The following EYS variants were observed in gnomAD, a reference collection of about 807,000 sequenced individuals.
EYS encodes protein eyes shut homolog.
In EYS, 250 loss-of-function variants were observed where a neutral mutation model predicts 282.1. The ratio of observed to expected loss-of-function variants is 0.89; its 90% CI spans 0.80 to 0.98. The LOEUF is 0.98. EYS is among the 50% of genes least tolerant of loss of function. EYS has a pLI of 0.00. For synonymous variants in EYS, 1,355 were observed against 1,282.9 expected (o/e 1.06, Z -1.20); for missense variants, 4,016 against 3,709.0 (o/e 1.08, Z -2.15).
intron 32 of EYS, among the ~76,000 whole-genome samples, chr6:64,070,311 T>C (rs547264605): frequency 6.6e-6 from 1 of 152,202 alleles, no homozygotes; most frequent in Non-Finnish European, 1.5e-5. Context: ...TGGTTCAGAG[T>C]TATGCAGAGT....
chr6:64,568,313 G>A (rs532393234), intron 26 of EYS, among the ~76,000 whole-genome samples: 34 of 152,276 alleles, frequency 2.2e-4, no homozygotes, highest in African/African-American at 7.7e-4. Context: ...AGGAAACAGA[G>A]CTAGTGAAGG....
intron 2 of EYS, among the ~76,000 whole-genome samples, chr6:65,547,652 C>A (rs554806253): frequency 1.3e-4 from 20 of 152,118 alleles, no homozygotes; most frequent in African/African-American, 4.6e-4. Flanking sequence ...TATGCAATAA[C>A]TGAAATGGAA....
chr6:65,258,182 C>T (rs949739891), intron 12 of EYS, among the ~76,000 whole-genome samples: 10 of 151,268 alleles, frequency 6.6e-5, no homozygotes, highest in Admixed American at 3.3e-4. Context: ...GTTAAAAATG[C>T]GAAGATATTA....
intron 28 of EYS, among the ~76,000 whole-genome samples, chr6:64,415,049 C>T (rs930013625): frequency 6.6e-6 from 1 of 151,984 alleles, no homozygotes. Flanking sequence ...AAATCCAGTG[C>T]AAAAATGCAA....
intron 22 of EYS, among the ~76,000 whole-genome samples, chr6:64,803,464 C>A (rs916109147): frequency 2.0e-5 from 3 of 152,096 alleles, no homozygotes; most frequent in Non-Finnish European, 4.4e-5. Context: ...ACCATGAGTT[C>A]TAAATCCCAA....
intron 12 of EYS, among the ~76,000 whole-genome samples, chr6:65,199,387 A>G (rs1212047816): frequency 6.6e-6 from 1 of 152,136 alleles, no homozygotes; most frequent in Non-Finnish European, 1.5e-5. Context: ...AGAAGAATGC[A>G]AAGTTTTCCT....
intron 26 of EYS, among the ~76,000 whole-genome samples, chr6:64,528,952 C>T (rs1778010552): frequency 6.6e-6 from 1 of 151,956 alleles, no homozygotes; most frequent in South Asian, 2.1e-4. Flanking sequence ...TCTTATATTA[C>T]AATGTTTCTA....
intron 22 of EYS, among the ~76,000 whole-genome samples, chr6:64,729,999 T>A (rs1489514313): frequency 6.6e-6 from 1 of 152,136 alleles, no homozygotes; most frequent in African/African-American, 2.4e-5. Flanking sequence ...ATGACAAATA[T>A]AGAAAAATCT....
chr6:63,767,711 C>T (rs1769829982), intron 40 of EYS, among the ~76,000 whole-genome samples: 2 of 151,800 alleles, frequency 1.3e-5, no homozygotes, highest in African/African-American at 4.8e-5. Flanking sequence ...TAATTTTTCA[C>T]AGAATTAAAA....
intron 36 of EYS, among the ~76,000 whole-genome samples, chr6:63,863,666 TTC>T (rs1562066162): frequency 4.2e-5 from 2 of 48,072 alleles, no homozygotes; most frequent in South Asian, 6.8e-4. Flanking sequence ...TTCTTTTCTT[TTC>T]TTTTTTCTTT....
chr6:64,864,382 C>CTTATTTTTTTTTTTTTTTTTTTTTTTT (rs1562231995), intron 19 of EYS, among the ~76,000 whole-genome samples: 1 of 40,100 alleles, frequency 2.5e-5, no homozygotes, highest in Non-Finnish European at 5.7e-5. Flanking sequence ...GGTGCTATAC[C>CTTATTTTTTTTTTTTTTTTTTTTTTTT]TTCTTTTTTT....
intron 2 of EYS, among the ~76,000 whole-genome samples, chr6:65,562,449 G>T (rs1769102688): frequency 1.3e-5 from 2 of 151,898 alleles, no homozygotes; most frequent in Admixed American, 1.3e-4. Context: ...GGACAGAATG[G>T]AAAGAATGAA....
intron 16 of EYS, among the ~76,000 whole-genome samples, chr6:64,903,955 C>A (rs1767745166): frequency 1.3e-5 from 2 of 152,060 alleles, no homozygotes; most frequent in African/African-American, 4.8e-5. Flanking sequence ...AAACAAAGTA[C>A]AGATACAACA....
chr6:65,448,332 A>T (rs748787367), intron 5 of EYS, among the ~76,000 whole-genome samples: 6 of 152,088 alleles, frequency 3.9e-5, no homozygotes, highest in Non-Finnish European at 7.4e-5. Flanking sequence ...GATGACTAAC[A>T]TGATTGTATT....
At chr6:65,049,285 A>G (rs956055443) in intron 13 of EYS, among the ~76,000 whole-genome samples, 13 of 151,720 alleles carry the variant, frequency 8.6e-5, no homozygotes, top group African/African-American at 3.1e-4. Context: ...TCTCAGAGTA[A>G]TTTTAGCTAA....
At chr6:65,141,062 A>G (rs528478039) in intron 12 of EYS, among the ~76,000 whole-genome samples, 5,407 of 151,900 alleles carry the variant, frequency 0.036, 129 homozygotes, top group Non-Finnish European at 0.054. Context: ...TTGCGGCACT[A>G]TTCACGATAG....
chr6:64,092,350 T>G (rs1170619893), intron 31 of EYS, among the ~76,000 whole-genome samples: 1 of 152,242 alleles, frequency 6.6e-6, no homozygotes, highest in Admixed American at 6.5e-5. Context: ...ATGGTTGAAC[T>G]AGTTTACAAT....
intron 12 of EYS, among the ~76,000 whole-genome samples, chr6:65,068,674 A>AGGC (rs1051880484): frequency 5.3e-5 from 8 of 152,058 alleles, no homozygotes; most frequent in Non-Finnish European, 1.0e-4. Context: ...TAGGTATCAT[A>AGGC]GGCCAGCTAC....
chr6:65,420,763 G>A (rs1042466576), intron 5 of EYS, among the ~76,000 whole-genome samples: 1 of 151,802 alleles, frequency 6.6e-6, no homozygotes, highest in Non-Finnish European at 1.5e-5. Context: ...GCTACAAAAG[G>A]GATGCCATGT....
Sources: allele counts gnomAD v4.1 joint callset (sites outside exome capture counted in the v4.1 genomes callset), GRCh38; gene constraint gnomAD v4.1.1; transcripts MANE v1.5; gene names NCBI Gene and HGNC (gene_info 2026-07-23, HGNC 2026-07-21).